NRG3: variants seen among roughly 807,000 people sequenced by gnomAD.
The protein encoded by NRG3 is neuregulin 3.
Under a neutral mutation model 66.9 loss-of-function variants are expected in NRG3, and 31 were observed. The ratio of observed to expected loss-of-function variants is 0.46; its 90% CI spans 0.35 to 0.63. NRG3 has a LOEUF of 0.63. Among genes scored for constraint, NRG3 ranks in the 20% least tolerant of loss-of-function variants. The probability of loss-of-function intolerance (pLI) is 0.00; values close to 1 mark genes in which losing one functional copy is unlikely to be tolerated. For missense variants in NRG3, 910 were observed against 878.9 expected (o/e 1.04, Z -0.45); for synonymous variants, 393 against 359.4 (o/e 1.09, Z -1.06).
At chr10:82,147,142 C>A (rs576488598) in intron 1 of NRG3, among the ~76,000 whole-genome samples, 1 of 152,110 alleles carries the variant, frequency 6.6e-6, no homozygotes, top group Non-Finnish European at 1.5e-5. Flanking sequence ...TAAGCAGATA[C>A]CAAGAGTCAC....
intron 2 of NRG3, among the ~76,000 whole-genome samples, chr10:82,719,309 G>A (rs1005510750): frequency 3.5e-4 from 53 of 152,250 alleles, no homozygotes; most frequent in Admixed American, 1.6e-3. Context: ...GAATGATTAG[G>A]GGAAAAACCT....
At chr10:82,591,633 T>G (rs775784574) in intron 2 of NRG3, among the ~76,000 whole-genome samples, 9 of 152,182 alleles carry the variant, frequency 5.9e-5, no homozygotes, top group Non-Finnish European at 1.3e-4. Context: ...CACTGTTAAA[T>G]AAATAATCTT....
chr10:82,687,633 T>C (rs1387660597), intron 2 of NRG3, among the ~76,000 whole-genome samples: 1 of 152,064 alleles, frequency 6.6e-6, no homozygotes, highest in African/African-American at 2.4e-5. Flanking sequence ...GGAGCAGAGC[T>C]AAAAGGCAGG....
At chr10:82,938,264 A>T (rs957255900) in intron 4 of NRG3, among the ~76,000 whole-genome samples, 1 of 152,200 alleles carries the variant, frequency 6.6e-6, no homozygotes, top group Admixed American at 6.5e-5. Context: ...CGCTTTAGGT[A>T]GATTTGAACG....
intron 1 of NRG3, among the ~76,000 whole-genome samples, chr10:82,099,823 CA>C (rs555966161): frequency 9.1e-4 from 138 of 151,020 alleles, no homozygotes; most frequent in African/African-American, 3.3e-3. Flanking sequence ...AAAACAAAAA[CA>C]AAAAAACAAC....
At chr10:82,885,120 A>T (rs1842620285) in intron 4 of NRG3, among the ~76,000 whole-genome samples, 1 of 152,222 alleles carries the variant, frequency 6.6e-6, no homozygotes, top group South Asian at 2.1e-4. Context: ...TGGTAAAGTC[A>T]ATCTTCTATC....
intron 2 of NRG3, among the ~76,000 whole-genome samples, chr10:82,514,625 T>C (rs636655): frequency 0.35 from 53,105 of 151,952 alleles, 10,417 homozygotes; most frequent in African/African-American, 0.53. Context: ...ACAGTAGCCT[T>C]GTATAGCTTG....
intron 1 of NRG3, among the ~76,000 whole-genome samples, chr10:81,993,166 A>G (rs2060805141): frequency 6.6e-6 from 1 of 152,156 alleles, no homozygotes; most frequent in Non-Finnish European, 1.5e-5. Context: ...TGTGCATTTA[A>G]CAATAGAAAG....
chr10:82,702,486 G>C (rs1234383140), intron 2 of NRG3, among the ~76,000 whole-genome samples: 1 of 152,146 alleles, frequency 6.6e-6, no homozygotes, highest in Middle Eastern at 3.2e-3. Context: ...TATTTTAGGA[G>C]TATTGTGCAT....
chr10:82,574,879 A>G (rs1229197713), intron 2 of NRG3, among the ~76,000 whole-genome samples: 1 of 151,762 alleles, frequency 6.6e-6, no homozygotes, highest in Non-Finnish European at 1.5e-5. Context: ...TTAAAAAGTC[A>G]AATTCTTAGA....
intron 1 of NRG3, among the ~76,000 whole-genome samples, chr10:82,227,949 C>A (rs1272019254): frequency 6.6e-6 from 1 of 152,132 alleles, no homozygotes; most frequent in East Asian, 1.9e-4. Context: ...GTCTGACCCT[C>A]AACTCCAAAG....
At chr10:82,629,046 A>C (rs944017358) in intron 2 of NRG3, among the ~76,000 whole-genome samples, 2 of 152,334 alleles carry the variant, frequency 1.3e-5, no homozygotes, top group Middle Eastern at 6.8e-3. Flanking sequence ...AAGTGAGCAT[A>C]GTAATATCTA....
intron 2 of NRG3, among the ~76,000 whole-genome samples, chr10:82,463,611 C>T (rs778746021): frequency 4.6e-5 from 7 of 152,330 alleles, no homozygotes; most frequent in Non-Finnish European, 1.0e-4. Context: ...CTAACATTAA[C>T]TGATGGCCTC....
At chr10:82,265,036 C>T (rs1388924821) in intron 1 of NRG3, among the ~76,000 whole-genome samples, 1 of 152,052 alleles carries the variant, frequency 6.6e-6, no homozygotes, top group African/African-American at 2.4e-5. Flanking sequence ...AGCAAGTTAA[C>T]TAGGTGAGAA....
At chr10:82,755,700 T>C (rs1021337053) in intron 3 of NRG3, among the ~76,000 whole-genome samples, 13 of 152,144 alleles carry the variant, frequency 8.5e-5, no homozygotes, top group South Asian at 4.1e-4. Flanking sequence ...ACCATTCCAC[T>C]GTAAATCAAT....
chr10:82,707,018 A>AATAT (rs10682579), intron 2 of NRG3, among the ~76,000 whole-genome samples: 1,711 of 141,270 alleles, frequency 0.012, 28 homozygotes, highest in African/African-American at 0.041. Context: ...AAATAAAATA[A>AATAT]ATATATATAT....
chr10:82,173,765 A>C (rs1429778892), intron 1 of NRG3, among the ~76,000 whole-genome samples: 1 of 152,028 alleles, frequency 6.6e-6, no homozygotes, highest in Non-Finnish European at 1.5e-5. Flanking sequence ...ACACTTACGT[A>C]CACATAACTA....
chr10:82,436,023 G>T (rs2136380236), intron 2 of NRG3, among the ~76,000 whole-genome samples: 1 of 152,134 alleles, frequency 6.6e-6, no homozygotes, highest in East Asian at 1.9e-4. Context: ...GTTGATTTGG[G>T]GTAGAGAGTT....
At chr10:82,820,717 T>TA (rs572579629) in intron 3 of NRG3, among the ~76,000 whole-genome samples, 57 of 152,338 alleles carry the variant, frequency 3.7e-4, no homozygotes, top group Admixed American at 2.7e-3. Context: ...CTACTTATTG[T>TA]AAAAAAACTA....
Sources: gnomAD v4.1 joint callset for allele counts (sites outside exome capture counted in the v4.1 genomes callset) on GRCh38, gnomAD v4.1.1 for gene constraint, MANE v1.5 for transcripts, NCBI Gene and HGNC (gene_info 2026-07-23, HGNC 2026-07-21) for gene names.